TIAM2: variants seen among roughly 807,000 people sequenced by gnomAD.
The protein encoded by TIAM2 is rho guanine nucleotide exchange factor TIAM2.
In TIAM2, 80 loss-of-function variants were observed where a neutral mutation model predicts 152.9. The ratio of observed to expected loss-of-function variants is 0.52; its 90% confidence interval spans 0.44 to 0.63. The LOEUF is 0.63. Among genes scored for constraint, TIAM2 ranks in the 30% least tolerant of loss-of-function variants. TIAM2 has a pLI of 0.00. For synonymous variants in TIAM2, 804 were observed against 838.0 expected, an observed-to-expected ratio of 0.96 and a Z score of 0.70; for missense variants, 1,965 against 2,120.1, an observed-to-expected ratio of 0.93 and a Z score of 1.44.
intron 2 of TIAM2, among the ~76,000 whole-genome samples, chr6:155,120,562 T>C (rs906924199): frequency 3.3e-5 from 5 of 152,172 alleles, no homozygotes; most frequent in African/African-American, 7.2e-5. Flanking sequence ...TTTACAGAGT[T>C]TATTAGTAAG....
At chr6:155,250,801 A>T in intron 21 of TIAM2, 112 bp from the exon 22 acceptor site, 1 of 1,248,360 alleles carries the variant, frequency 8.0e-7, no homozygotes, top group Non-Finnish European at 1.2e-6. Flanking sequence ...CATAAAAATT[A>T]AACCAGCTGT....
rs1343195043 is a variant in TIAM2, at chr6:155,248,139, C to T, written c.3792C>T (p.Ser1264=). Residue 1264 remains serine, a synonymous_variant, in exon 20 of 27, where the codon TCC becomes TCT. Transcript: ENST00000682666. The part of the protein sequence containing the change: ...KYPLLLKELV[S]LTDQESEEHY... ...CGCTGCTGCTCAAGGAGCTGGTGTC[C>T]CTGACGGACCAGGAGAGCGAGGAGC... The T allele has an allele frequency of 6.2e-7, 1 of 1,614,116 alleles. No homozygotes were observed. The highest frequency in any genetic ancestry group is 8.5e-7 in the Non-Finnish European group (1 of 1,180,020).
intron 25 of TIAM2, 74 bp from the exon 26 acceptor site, chr6:155,254,345 C>T: frequency 6.4e-7 from 1 of 1,559,156 alleles, no homozygotes; most frequent in South Asian, 1.2e-5. Flanking sequence ...GGCACAGGAA[C>T]ACAGGCGGGC....
Position 155,213,186 on chromosome 6 carries a change from A to G in TIAM2, c.3168+1879A>G, listed in dbSNP as rs1781764154. On this transcript the variant is annotated intron_variant, in intron 15 of 26. Coordinates refer to ENST00000682666, the MANE Select transcript of TIAM2 (RefSeq NM_012454.4). This position sits in a 1 kb window ranked among gnomAD's most constrained non-coding sequence, Gnocchi z 4.2. ...AGCCCTGCCGTTAGGCAGGTCCCGA[A>G]TTCTTGTCCCATGACCAGGAAGAAG... Among the ~76,000 whole-genome samples the G allele has an allele frequency of 6.6e-6, 1 of 152,170 alleles. No individual in the cohort carries two copies. Among genetic ancestry groups the G allele is most frequent in the African/African-American group, 2.4e-5 (1 of 41,454 alleles).
At position 155,148,334 on chromosome 6, in the gene TIAM2, G is replaced by C; in HGVS notation, c.2028G>C (p.Gln676His). 2 of 1,610,666 alleles carry C rather than the reference G, an allele frequency of 1.2e-6. No individual in the cohort carries two copies. The highest frequency in any genetic ancestry group is 1.7e-6 in the Non-Finnish European group (2 of 1,179,312). The change falls in exon 7 of 27, where the codon CAG (glutamine) becomes CAC (histidine). Residue 676 changes from glutamine to histidine, a missense_variant and splice_region_variant. By Grantham distance (24) the Gln-to-His change is conservative. Coordinates refer to ENST00000682666, the MANE Select transcript of TIAM2 (RefSeq NM_012454.4). ...AGAACAGGAAAGCCATAGAGAACCA[G>C]GTACTGTTTGTCTACACCTGAGTTT... is the stretch of plus-strand genomic sequence containing the variant. ...DPKNRKAIEN[Q>H]IQQWEQNLEK...
chr6:154,996,114 G>C (rs1345690267), intron 1 of TIAM2, among the ~76,000 whole-genome samples: 1 of 152,192 alleles, frequency 6.6e-6, no homozygotes, highest in African/African-American at 2.4e-5. Context: ...GACACGTTGT[G>C]CCCCTAATGG....
chr6:155,256,369 A>C, intron 26 of TIAM2, 115 bp from the exon 27 acceptor site: 1 of 1,455,890 alleles, frequency 6.9e-7, no homozygotes, highest in Non-Finnish European at 9.3e-7. Flanking sequence ...TGCTAACTGA[A>C]GTCATATCAT....
intron 1 of TIAM2, among the ~76,000 whole-genome samples, chr6:155,027,907 T>A (rs1003231017): frequency 1.3e-4 from 12 of 95,274 alleles, no homozygotes; most frequent in South Asian, 3.3e-4. Context: ...TACTATATAA[T>A]ATGTACTGTG....
chr6:155,029,457 AT>A (rs1776757909), intron 1 of TIAM2, among the ~76,000 whole-genome samples: 1 of 52,138 alleles, frequency 1.9e-5, no homozygotes, highest in Non-Finnish European at 3.3e-5. Context: ...AGTATATATT[AT>A]ATATAATATA....
In TIAM2 at chr6:155,240,582, A is replaced by G. The variant is rs752300552; in HGVS notation, c.3221A>G (p.Asn1074Ser). The G allele has an allele frequency of 2.5e-6, 4 of 1,614,160 alleles. No homozygotes were observed. Among genetic ancestry groups the G allele is most frequent in the East Asian group, 2.2e-5 (1 of 44,882 alleles). The change falls in exon 16 of 27, where the codon AAC becomes AGC. Residue 1074 changes from asparagine to serine, a missense_variant. Coordinates refer to ENST00000682666, the MANE Select transcript of TIAM2 (RefSeq NM_012454.4). ...LCRSFNDSQA[N>S]GMEGPRENQD... is the part of the protein sequence containing the mutation. ...AGGAGTTTTAACGACAGTCAGGCCA[A>G]CGGCATGGAAGGACCGCGGGAGAAT...
In TIAM2 at chr6:155,183,314, C is replaced by G; in HGVS notation, c.2878C>G (p.Leu960Val). The change falls in exon 14 of 27, where the codon CTG becomes GTG. Residue 960 changes from leucine (L) to valine (V), a missense_variant. By Grantham distance (32) the Leu-to-Val change is conservative. Around this residue, in one of 3 missense-constraint regions of TIAM2, gnomAD observed 935 missense variants for 980.0 expected, o/e 0.95. Coordinates refer to ENST00000682666, the MANE Select transcript of TIAM2 (RefSeq NM_012454.4). ...SDLDLKQMEA[L>V]FSEKSVGLTL... ...TCTTGACCTTAAGCAGATGGAGGCC[C>G]TGTTTTCTGAGAAGAGCGTCGGACT... 6.2e-7 allele frequency: 1 copy of G among 1,614,162 alleles called. No homozygotes were observed. Among genetic ancestry groups the G allele is most frequent in the South Asian group, 1.1e-5 (1 of 91,086 alleles).
chr6:155,027,841 A>C lies in TIAM2; in HGVS notation c.-209+32349A>C, dbSNP rs1371257243. ...ATGTACTGTGATACATATATACTAT[A>C]TATAATATATGTACTGTGTTATATA... On this transcript the variant is annotated intron_variant, in intron 1 of 26. Coordinates refer to ENST00000682666, the MANE Select transcript of TIAM2 (RefSeq NM_012454.4). 2.9e-5 allele frequency among the ~76,000 whole-genome samples: 3 copies of C among 102,948 alleles called. 1 individual carries two copies. Among genetic ancestry groups the C allele is most frequent in the Admixed American group, 1.1e-4 (1 of 9,112 alleles). 67.5% of individuals were successfully genotyped at this position (102,948 alleles called of 152,430 possible). A position where few individuals can be genotyped will look rare whatever the true frequency, so the allele number is the denominator to read the frequency against.
At chr6:155,032,625 C>T (rs777554017) in intron 1 of TIAM2, among the ~76,000 whole-genome samples, 13 of 152,162 alleles carry the variant, frequency 8.5e-5, no homozygotes, top group African/African-American at 3.1e-4. Flanking sequence ...ACTGCAACCT[C>T]TACCTCCCGG....
intron 9 of TIAM2, among the ~76,000 whole-genome samples, chr6:155,172,306 A>G (rs114354373): frequency 1.8e-4 from 27 of 152,208 alleles, no homozygotes; most frequent in African/African-American, 6.5e-4. Flanking sequence ...GCTTTGGAAC[A>G]AAGGATGATT....
intron 15 of TIAM2, among the ~76,000 whole-genome samples, chr6:155,239,791 G>T (rs1377237956): frequency 1.3e-5 from 2 of 152,176 alleles, no homozygotes; most frequent in African/African-American, 4.8e-5. Context: ...CCTCGCAGAG[G>T]TTTCCTCTGG....
At chr6:155,026,238 T>C (rs1053661033) in intron 1 of TIAM2, among the ~76,000 whole-genome samples, 29 of 152,172 alleles carry the variant, frequency 1.9e-4, no homozygotes, top group Admixed American at 1.6e-3. Context: ...CACCATAAAA[T>C]GTTAAACAGT....
intron 6 of TIAM2, among the ~76,000 whole-genome samples, chr6:155,145,418 G>A (rs3763198): frequency 0.53 from 80,817 of 151,956 alleles, 21,571 homozygotes; most frequent in Admixed American, 0.57. Context: ...ATCTTGGAGC[G>A]CGTACCAGAC....
In TIAM2 at chr6:155,257,305, G is replaced by C; in HGVS notation, c.*184G>C. 1.5e-6 allele frequency: 1 copy of C among 669,594 alleles called. No homozygotes were observed. Among genetic ancestry groups the C allele is most frequent in the East Asian group, 2.9e-5 (1 of 35,002 alleles). The allele number at this position is 669,594 out of a possible 1,614,324, so 41.5% of individuals were successfully genotyped here. A position where few individuals can be genotyped will look rare whatever the true frequency, so the allele number is the denominator to read the frequency against. ...TAATTTATTGTGGATCAGAAACCTA[G>C]ATGAAACTGGTCAGAATCTGTAAAT... On this transcript the variant is annotated 3_prime_UTR_variant, in exon 27 of 27. Coordinates refer to ENST00000682666, the MANE Select transcript of TIAM2 (RefSeq NM_012454.4).
Position 155,212,367 on chromosome 6 carries a change from T to TC in TIAM2, c.3168+1062dup, listed in dbSNP as rs200431902. On this transcript the variant is annotated intron_variant, in intron 15 of 26. Coordinates refer to ENST00000682666, the MANE Select transcript of TIAM2 (RefSeq NM_012454.4). Reference sequence around the variant, plus strand: ...CTTGGCAGCATTTGTTACATTCCATTCCTTTCCTGCATTTTTAACTGTTTG... The same window carrying TC: ...CTTGGCAGCATTTGTTACATTCCATTCCCTTTCCTGCATTTTTAACTGTTTG... 5.4e-3 allele frequency among the ~76,000 whole-genome samples: 819 copies of TC among 152,326 alleles called. 6 individuals are homozygous for TC. Among genetic ancestry groups the TC allele is most frequent in the African/African-American group, 0.018 (764 of 41,586 alleles).
Sources: gnomAD v4.1 joint callset for allele counts (sites outside exome capture counted in the v4.1 genomes callset) on GRCh38, gnomAD v4.1.1 for gene constraint, gnomAD v4.1.1 regional missense constraint, Gnocchi (gnomAD v3.1) non-coding constraint, MANE v1.5 for transcripts, NCBI Gene and HGNC (gene_info 2026-07-23, HGNC 2026-07-21) for gene names.